ROBO2: variants seen among roughly 807,000 people sequenced by gnomAD.
The protein encoded by ROBO2 is roundabout homolog 2.
ROBO2 carries 53 observed loss-of-function variants against 160.8 expected under a neutral mutation model. The observed-to-expected ratio is 0.33, with a 90% confidence interval of 0.26 to 0.41. The LOEUF (loss-of-function observed/expected upper bound fraction) is 0.41. Among genes scored for constraint, ROBO2 ranks in the 10% least tolerant of loss-of-function variants. The probability of loss-of-function intolerance (pLI) is 1.00; values close to 1 mark genes in which losing one functional copy is unlikely to be tolerated. For synonymous variants in ROBO2, 664 were observed against 611.7 expected (o/e 1.09, Z -1.26); for missense variants, 1,577 against 1,722.4 (o/e 0.92, Z 1.49).
intron 1 of ROBO2, among the ~76,000 whole-genome samples, chr3:75,920,781 A>T (rs6809012): frequency 0.42 from 63,356 of 151,958 alleles, 15,591 homozygotes; most frequent in Non-Finnish European, 0.56. Context: ...ACTACTACGT[A>T]ATGCCCTTTG....
At chr3:77,516,185 A>T (rs182230445) in intron 5 of ROBO2, among the ~76,000 whole-genome samples, 1 of 151,638 alleles carries the variant, frequency 6.6e-6, no homozygotes, top group Non-Finnish European at 1.5e-5. Flanking sequence ...ACGAGGAATA[A>T]AATTGAAAAT....
At chr3:76,494,533 G>A (rs945899765) in intron 2 of ROBO2, among the ~76,000 whole-genome samples, 2 of 152,098 alleles carry the variant, frequency 1.3e-5, no homozygotes, top group African/African-American at 2.4e-5. Flanking sequence ...TGGGGGTCTC[G>A]ACTTCCCATC....
chr3:75,950,748 T>C (rs1948505650), intron 2 of ROBO2, among the ~76,000 whole-genome samples: 1 of 152,030 alleles, frequency 6.6e-6, no homozygotes, highest in African/African-American at 2.4e-5. Flanking sequence ...TTCCTCTCAC[T>C]TCCCAAGGCT....
chr3:76,948,202 G>A (rs2078690864), intron 2 of ROBO2, among the ~76,000 whole-genome samples: 1 of 152,266 alleles, frequency 6.6e-6, no homozygotes, highest in Non-Finnish European at 1.5e-5. Flanking sequence ...ACTCTTGGCA[G>A]AAAAGCTATA....
intron 6 of ROBO2, among the ~76,000 whole-genome samples, chr3:77,539,464 C>G (rs1240143372): frequency 6.6e-6 from 1 of 151,870 alleles, no homozygotes; most frequent in Admixed American, 6.6e-5. Context: ...ATATTGTTTT[C>G]AAACACTATA....
chr3:77,004,693 G>C (rs960865109), intron 2 of ROBO2, among the ~76,000 whole-genome samples: 44 of 152,058 alleles, frequency 2.9e-4, no homozygotes, highest in African/African-American at 1.1e-3. Context: ...TAGGCATTTC[G>C]CTTTCAGTAA....
chr3:76,406,177 C>T (rs1393180964), intron 2 of ROBO2, among the ~76,000 whole-genome samples: 1 of 151,596 alleles, frequency 6.6e-6, no homozygotes, highest in Non-Finnish European at 1.5e-5. Flanking sequence ...CATTAATTTT[C>T]CCTTTATTGT....
At chr3:77,235,553 T>G (rs2087851090) in intron 2 of ROBO2, among the ~76,000 whole-genome samples, 1 of 152,156 alleles carries the variant, frequency 6.6e-6, no homozygotes, top group African/African-American at 2.4e-5. Flanking sequence ...TTTTAATGAA[T>G]TACTCAAAAT....
chr3:76,348,405 C>G (rs974795271), intron 2 of ROBO2, among the ~76,000 whole-genome samples: 3 of 152,062 alleles, frequency 2.0e-5, no homozygotes, highest in African/African-American at 7.2e-5. Flanking sequence ...CTATGAATTA[C>G]CATTCCAAAG....
At chr3:76,654,368 A>C (rs1012418573) in intron 2 of ROBO2, among the ~76,000 whole-genome samples, 19 of 152,166 alleles carry the variant, frequency 1.2e-4, no homozygotes, top group African/African-American at 4.1e-4. Context: ...ATGATGAAAA[A>C]AACCTTCTGC....
chr3:75,915,648 C>T (rs74856437), intron 1 of ROBO2, among the ~76,000 whole-genome samples: 3,045 of 152,158 alleles, frequency 0.02, 49 homozygotes, highest in South Asian at 0.057. Context: ...GAGCTGCATT[C>T]TGATAAGAAG....
At chr3:76,624,722 T>G (rs1241390245) in intron 2 of ROBO2, among the ~76,000 whole-genome samples, 1 of 130,886 alleles carries the variant, frequency 7.6e-6, no homozygotes, top group East Asian at 2.3e-4. Flanking sequence ...CGCTTGCACC[T>G]GGGAGGCTGA....
intron 2 of ROBO2, among the ~76,000 whole-genome samples, chr3:77,001,694 T>C (rs73108403): frequency 0.014 from 2,056 of 152,276 alleles, 19 homozygotes; most frequent in Middle Eastern, 0.037. Flanking sequence ...GTGGGCAAGC[T>C]CTTCCTCATA....
chr3:76,834,114 C>CTTTCTTTCTTTCTTTCTTTCTT (rs1442438961), intron 2 of ROBO2, among the ~76,000 whole-genome samples: 1 of 129,154 alleles, frequency 7.7e-6, no homozygotes, highest in African/African-American at 2.9e-5. Flanking sequence ...TTCTTTCTTT[C>CTTTCTTTCTTTCTTTCTTTCTT]TCTCTGTCTC....
chr3:77,282,537 T>C (rs533984558), intron 2 of ROBO2, among the ~76,000 whole-genome samples: 1 of 152,016 alleles, frequency 6.6e-6, no homozygotes, highest in Non-Finnish European at 1.5e-5. Context: ...GACAGATTTC[T>C]CTCTGTAAAT....
intron 16 of ROBO2, among the ~76,000 whole-genome samples, chr3:77,584,442 T>C (rs2093991879): frequency 6.6e-6 from 1 of 152,202 alleles, no homozygotes; most frequent in Non-Finnish European, 1.5e-5. Flanking sequence ...TTACATGTTT[T>C]TAAAGTGTTT....
intron 2 of ROBO2, among the ~76,000 whole-genome samples, chr3:77,219,012 G>A (rs758488324): frequency 5.9e-5 from 9 of 151,824 alleles, no homozygotes; most frequent in Non-Finnish European, 1.2e-4. Context: ...CTTGTCTCCC[G>A]GGCTGGATTG....
chr3:77,614,715 C>T (rs2094726120), intron 21 of ROBO2, among the ~76,000 whole-genome samples: 1 of 150,778 alleles, frequency 6.6e-6, no homozygotes, highest in Non-Finnish European at 1.5e-5. Context: ...GATATTATTC[C>T]CCCAAAAAAC....
chr3:76,201,012 G>T (rs781209425), intron 2 of ROBO2, among the ~76,000 whole-genome samples: 66 of 151,806 alleles, frequency 4.3e-4, no homozygotes, highest in Non-Finnish European at 7.8e-4. Context: ...TTAAACATTC[G>T]TAGGGTTTGA....
Sources: gnomAD v4.1 joint callset for allele counts (sites outside exome capture counted in the v4.1 genomes callset) on GRCh38, gnomAD v4.1.1 for gene constraint, MANE v1.5 for transcripts, NCBI Gene and HGNC (gene_info 2026-07-23, HGNC 2026-07-21) for gene names.